Variants in NEURL1 observed in about 807,000 individuals in gnomAD.
NEURL1 encodes E3 ubiquitin-protein ligase NEURL1.
Under a neutral mutation model 41.2 loss-of-function variants are expected in NEURL1, and 26 were observed. That is an observed-to-expected ratio of 0.63 (90% CI 0.46 to 0.87). NEURL1 has a LOEUF of 0.87. NEURL1 is among the 40% of genes least tolerant of loss of function. The probability of loss-of-function intolerance (pLI) is 0.00; values close to 1 mark genes in which losing one functional copy is unlikely to be tolerated. For synonymous variants in NEURL1, 400 were observed against 402.3 expected (o/e 0.99, Z 0.07); for missense variants, 761 against 871.1 (o/e 0.87, Z 1.59).
Position 103,508,201 on chromosome 10 carries a change from C to T in NEURL1, c.85+13729C>T, listed in dbSNP as rs189818560. Among the ~76,000 whole-genome samples the T allele has an allele frequency of 4.6e-5, 7 of 152,224 alleles. No individual in the cohort carries two copies. Among genetic ancestry groups the T allele is most frequent in the Admixed American group, 3.9e-4 (6 of 15,300 alleles). ...GGACTTCTCACAGGGTCAGGTCCCT[C>T]GAATTTGAAAAGCATGTAACCAACC... is the stretch of plus-strand genomic sequence containing the variant. On this transcript the variant is annotated intron_variant, in intron 1 of 5. Transcript: ENST00000369780. This position sits in a 1 kb window ranked among gnomAD's most constrained non-coding sequence, Gnocchi z 4.3.
chr10:103,560,671 G>T (rs1592223568), intron 1 of NEURL1, among the ~76,000 whole-genome samples: 1 of 152,146 alleles, frequency 6.6e-6, no homozygotes, highest in Non-Finnish European at 1.5e-5. Flanking sequence ...AGGGGCTGTG[G>T]TGTTCATGGA....
In NEURL1 at chr10:103,588,670, G is replaced by A. The variant is rs1204487911; in HGVS notation, c.1340-844G>A. On this transcript the variant is annotated intron_variant, in intron 4 of 5. Transcript: ENST00000369780. The stretch of plus-strand genomic sequence containing the variant: ...ATTGTTAAAAAGGAGAGGAAGGCCG[G>A]GCGCAGCGGCTCACCCCAGCAATCC... 9.7e-6 allele frequency: 4 copies of A among 413,402 alleles called. No individual in the cohort carries two copies. The Admixed American group carries it at 1.1e-4, about 11-fold the overall frequency. 25.6% of individuals were successfully genotyped at this position (413,402 alleles called of 1,614,324 possible). A position where few individuals can be genotyped will look rare whatever the true frequency, so the allele number is the denominator to read the frequency against.
At chr10:103,512,602 GC>G (rs2034097932) in intron 1 of NEURL1, among the ~76,000 whole-genome samples, 2 of 152,174 alleles carry the variant, frequency 1.3e-5, no homozygotes, top group Non-Finnish European at 2.9e-5. Context: ...TTCAAGACCA[GC>G]CTGGGTGACA....
rs2035896376 is a variant in NEURL1, at chr10:103,585,306, C to T, written c.1339+81C>T. The T allele has an allele frequency of 4.9e-6, 6 of 1,233,412 alleles. No homozygotes were observed. The South Asian group carries it at 6.4e-5, about 13-fold the overall frequency. 76.4% of individuals were successfully genotyped at this position (1,233,412 alleles called of 1,614,324 possible). Reference sequence around the variant, plus strand: ...CGGGTAGGAGACAAAGGGCGAGCTCCCCTTCCTCCAGGCTCATGATGGTGT... The same window carrying T: ...CGGGTAGGAGACAAAGGGCGAGCTCTCCTTCCTCCAGGCTCATGATGGTGT... On this transcript the variant is annotated intron_variant, in intron 4 of 5. Coordinates refer to ENST00000369780, the MANE Select transcript of NEURL1 (RefSeq NM_004210.5).
In NEURL1 at chr10:103,558,545, GTGTA is replaced by G. The variant is rs2035211987; in HGVS notation, c.86-12326_86-12323del. ...TGTGTGTGTGTGTGTGTGTGTGTGT[GTGTA>G]GTGGGGCTGGTGGTGAGGAGTCGGG... On this transcript the variant is annotated intron_variant, in intron 1 of 5. Transcript: ENST00000369780. The surrounding 1 kb of genome is among the most constrained non-coding windows in gnomAD (Gnocchi z 4.2). Among the ~76,000 whole-genome samples the G allele has an allele frequency of 6.9e-6, 1 of 145,336 alleles. No homozygotes were observed. Among genetic ancestry groups the G allele is most frequent in the Admixed American group, 6.8e-5 (1 of 14,698 alleles).
intron 1 of NEURL1, among the ~76,000 whole-genome samples, chr10:103,521,584 T>G (rs1022788662): frequency 6.6e-6 from 1 of 152,176 alleles, no homozygotes; most frequent in Non-Finnish European, 1.5e-5. Flanking sequence ...AATGAGAGGT[T>G]CTAACAGGTG....
intron 3 of NEURL1, among the ~76,000 whole-genome samples, chr10:103,578,569 G>A (rs1390339506): frequency 6.6e-6 from 1 of 152,192 alleles, no homozygotes; most frequent in Non-Finnish European, 1.5e-5. Flanking sequence ...TGGACAAAAG[G>A]ATTCCACTGC....
intron 3 of NEURL1, among the ~76,000 whole-genome samples, chr10:103,584,187 G>A (rs1392935328): frequency 2.6e-5 from 4 of 152,182 alleles, no homozygotes; most frequent in African/African-American, 9.7e-5. Context: ...CTAGGGATAA[G>A]ACGGAAGGAG....
chr10:103,500,090 G>T (rs976499092), intron 1 of NEURL1, among the ~76,000 whole-genome samples: 19 of 152,190 alleles, frequency 1.2e-4, no homozygotes, highest in African/African-American at 4.1e-4. Context: ...GATCTAGGGG[G>T]TGCCTGGTGG....
chr10:103,501,951 G>GTATTAAC (rs2033835822), intron 1 of NEURL1, among the ~76,000 whole-genome samples: 1 of 152,040 alleles, frequency 6.6e-6, no homozygotes, highest in African/African-American at 2.4e-5. Flanking sequence ...ATTTATTGTA[G>GTATTAAC]AGACAGAGTC....
intron 3 of NEURL1, among the ~76,000 whole-genome samples, chr10:103,581,000 G>T (rs547083533): frequency 1.6e-4 from 24 of 152,208 alleles, no homozygotes; most frequent in Non-Finnish European, 3.1e-4. Flanking sequence ...CTGCATTAAG[G>T]TTCAAAAAGC....
At chr10:103,560,069 A>G (rs918131626) in intron 1 of NEURL1, among the ~76,000 whole-genome samples, 2 of 151,872 alleles carry the variant, frequency 1.3e-5, no homozygotes, top group African/African-American at 2.4e-5. Flanking sequence ...ACACGCATGC[A>G]CACACACATA....
At chr10:103,520,888 G>A (rs2034333992) in intron 1 of NEURL1, among the ~76,000 whole-genome samples, 1 of 152,130 alleles carries the variant, frequency 6.6e-6, no homozygotes, top group Non-Finnish European at 1.5e-5. Flanking sequence ...ATTGGTGATG[G>A]CCTGGATACG....
Position 103,558,798 on chromosome 10 carries a change from C to CT in NEURL1, c.86-12071dup, listed in dbSNP as rs2035218820. Among the ~76,000 whole-genome samples the CT allele has an allele frequency of 6.6e-6, 1 of 152,010 alleles. No individual in the cohort carries two copies. Among genetic ancestry groups the CT allele is most frequent in the Non-Finnish European group, 1.5e-5 (1 of 67,972 alleles). On this transcript the variant is annotated intron_variant, in intron 1 of 5. Coordinates refer to ENST00000369780, the MANE Select transcript of NEURL1 (RefSeq NM_004210.5). This position sits in a 1 kb window ranked among gnomAD's most constrained non-coding sequence, Gnocchi z 4.2. Reference sequence around the variant, plus strand: ...TCGCCTCTGCCGTCCTCTCTTCTTCCTTTCCCCCCACTTCCTCCTTCACCT... The same window carrying CT: ...TCGCCTCTGCCGTCCTCTCTTCTTCCTTTTCCCCCCACTTCCTCCTTCACCT...
intron 1 of NEURL1, among the ~76,000 whole-genome samples, chr10:103,527,235 A>G (rs1468199180): frequency 6.7e-6 from 1 of 149,264 alleles, no homozygotes; most frequent in Non-Finnish European, 1.5e-5. Context: ...TTTCATTGCT[A>G]TCTTGGTTTT....
chr10:103,518,020 CT>C (rs1270168842), intron 1 of NEURL1, among the ~76,000 whole-genome samples: 3 of 152,206 alleles, frequency 2.0e-5, no homozygotes, highest in African/African-American at 7.2e-5. Context: ...TTGAGGGTAA[CT>C]TTGCATGCCC....
At chr10:103,588,914 C>G in intron 4 of NEURL1, 1 of 430,592 alleles carries the variant, frequency 2.3e-6, no homozygotes, top group South Asian at 1.6e-5. Flanking sequence ...CCACTGCACT[C>G]CAGCCTGGCG....
chr10:103,503,055 G>A (rs559997504), intron 1 of NEURL1, among the ~76,000 whole-genome samples: 32 of 152,360 alleles, frequency 2.1e-4, no homozygotes, highest in African/African-American at 6.0e-4. Context: ...CAAGCTGGCC[G>A]ATAGGAGGGC....
In NEURL1 at chr10:103,584,800, T is replaced by A; in HGVS notation, c.914T>A (p.Val305Asp). 7.0e-7 allele frequency: 1 copy of A among 1,431,182 alleles called. No individual in the cohort carries two copies. The highest frequency in any genetic ancestry group is 9.1e-7 in the Non-Finnish European group (1 of 1,098,870). The allele number at this position is 1,431,182 out of a possible 1,614,324, so 88.7% of individuals were successfully genotyped here. A position where few individuals can be genotyped will look rare whatever the true frequency, so the allele number is the denominator to read the frequency against. The part of the protein sequence containing the change: ...RFHALRAGAH[V>D]RILDEQTVAR... ...CACGCCCTGCGCGCCGGCGCGCACG[T>A]CCGCATCCTCGACGAGCAGACGGTG... is the stretch of plus-strand genomic sequence containing the variant. The change falls in exon 4 of 6, where the codon GTC becomes GAC. Residue 305 changes from valine (V) to aspartate (D), a missense_variant. Coordinates refer to ENST00000369780, the MANE Select transcript of NEURL1 (RefSeq NM_004210.5).
Sources: gnomAD v4.1 joint callset for allele counts (sites outside exome capture counted in the v4.1 genomes callset) on GRCh38, gnomAD v4.1.1 for gene constraint, Gnocchi (gnomAD v3.1) non-coding constraint, MANE v1.5 for transcripts, NCBI Gene and HGNC (gene_info 2026-07-23, HGNC 2026-07-21) for gene names.